HERC2: variants seen among roughly 807,000 people sequenced by gnomAD.
HERC2 encodes HECT and RLD domain containing E3 ubiquitin protein ligase 2.
In HERC2, 102 loss-of-function variants were observed where a neutral mutation model predicts 537.7. The observed-to-expected ratio is 0.19, with a 90% confidence interval of 0.16 to 0.22. HERC2 has a LOEUF of 0.22. Among genes scored for constraint, HERC2 ranks in the 10% least tolerant of loss-of-function variants. The pLI is 1.00. For synonymous variants in HERC2, 2,224 were observed against 2,466.2 expected (o/e 0.90, Z 2.91); for missense variants, 4,236 against 6,198.2 (o/e 0.68, Z 10.63).
intron 81 of HERC2, among the ~76,000 whole-genome samples, chr15:28,130,937 G>T (rs898271764): frequency 6.6e-6 from 1 of 152,040 alleles, no homozygotes; most frequent in African/African-American, 2.4e-5. Context: ...AGCAATCCCT[G>T]TGTCTCTCCT....
rs1473958404 is a variant in HERC2 at position 28,196,110 on chromosome 15, T to TG, written c.8260+104dup. The TG allele has an allele frequency of 8.4e-6, 9 of 1,076,098 alleles. No individual in the cohort carries two copies. In the African/African-American group the frequency reaches 1.4e-4, roughly 17 times the overall value. The allele number at this position is 1,076,098 out of a possible 1,614,324, so 66.7% of individuals were successfully genotyped here. A position where few individuals can be genotyped will look rare whatever the true frequency, so the allele number is the denominator to read the frequency against. On this transcript the variant is annotated intron_variant, in intron 52 of 92. Transcript: ENST00000261609. ...CACTGTACTCACTCTACAGAATTACTGTATACATAGGAACCTTAAAATAAC... is the reference window on the plus strand; with the variant it reads ...CACTGTACTCACTCTACAGAATTACTGGTATACATAGGAACCTTAAAATAAC...
Position 28,162,869 on chromosome 15 carries a change from C to T in HERC2, c.10746+225G>A, listed in dbSNP as rs532179984. ...TGGCGCCACTGCACTCTAGCCTGGG[C>T]GACAGAGCGAGACTCCGTCTCAAAA... On this transcript the variant is annotated intron_variant, in intron 69 of 92. Transcript: ENST00000261609. Among the ~76,000 whole-genome samples the T allele has an allele frequency of 8.5e-5, 13 of 152,222 alleles. No homozygotes were observed. The East Asian group carries it at 2.5e-3, about 29-fold the overall frequency.
chr15:28,152,442 C>T (rs1566948264), intron 70 of HERC2, among the ~76,000 whole-genome samples: 1 of 152,204 alleles, frequency 6.6e-6, no homozygotes, highest in South Asian at 2.1e-4. Context: ...GTCATGATGA[C>T]TAGGGCATCT....
intron 4 of HERC2, among the ~76,000 whole-genome samples, chr15:28,281,807 C>T (rs1267291970): frequency 6.6e-6 from 1 of 152,238 alleles, no homozygotes; most frequent in African/African-American, 2.4e-5. Flanking sequence ...CCGAGCCACC[C>T]TTCAGGCAAG....
chr15:28,279,260 G>A (rs1257887521), intron 5 of HERC2, among the ~76,000 whole-genome samples: 3 of 152,004 alleles, frequency 2.0e-5, no homozygotes, highest in Non-Finnish European at 4.4e-5. Context: ...AAAGTGCTGG[G>A]ATTACAGGCG....
chr15:28,156,120 A>G (rs529756781), intron 69 of HERC2, among the ~76,000 whole-genome samples: 14 of 152,230 alleles, frequency 9.2e-5, no homozygotes, highest in African/African-American at 2.9e-4. Flanking sequence ...CCATTGGTCT[A>G]TATCTCTGTT....
At chr15:28,287,493 T>C (rs1667393) in intron 4 of HERC2, among the ~76,000 whole-genome samples, 148,071 of 152,144 alleles carry the variant, frequency 0.97, 72,140 homozygotes, top group Non-Finnish European at 0.99. Context: ...TCTAGTTACC[T>C]ACCCATAACT....
chr15:28,264,155 T>C (rs1016687375), intron 14 of HERC2, among the ~76,000 whole-genome samples: 25 of 151,890 alleles, frequency 1.6e-4, no homozygotes, highest in African/African-American at 6.0e-4. Flanking sequence ...TATTTTATAA[T>C]AACTAAAGAT....
chr15:28,115,315 GCGTCA>G, intron 89 of HERC2, 109 bp downstream of exon 89: 1 of 539,986 alleles, frequency 1.9e-6, no homozygotes, highest in Non-Finnish European at 3.2e-6. Context: ...AACAGCCTCT[GCGTCA>G]CCTGGGCACT....
At chr15:28,184,636 C>T (rs375677686) in intron 56 of HERC2, among the ~76,000 whole-genome samples, 3 of 151,804 alleles carry the variant, frequency 2.0e-5, no homozygotes, top group Admixed American at 1.3e-4. Flanking sequence ...CTGAGGCAGG[C>T]GGATTACGAG....
chr15:28,278,306 C>A (rs1480329636), intron 5 of HERC2, among the ~76,000 whole-genome samples: 3 of 151,982 alleles, frequency 2.0e-5, no homozygotes, highest in Non-Finnish European at 4.4e-5. Context: ...TCACTTGAGC[C>A]CAGGAGGTCA....
rs1322484589 is a variant in HERC2 at position 28,178,990 on chromosome 15, C to T, written c.9060G>A (p.Thr3020=). Reference sequence around the variant, plus strand: ...AAATGCCCAGCCCCAGCCGGCCATTCGTGGCTTCTCCACAGGCATACACCT... The same window carrying T: ...AAATGCCCAGCCCCAGCCGGCCATTTGTGGCTTCTCCACAGGCATACACCT... The part of the protein sequence containing the change: ...EGKVYACGEA[T]NGRLGLGISS... Residue 3020 remains threonine, a synonymous_variant, in exon 59 of 93, where the codon ACG becomes ACA. Coordinates refer to ENST00000261609, the MANE Select transcript of HERC2 (RefSeq NM_004667.6). 1.2e-6 allele frequency: 2 copies of T among 1,614,236 alleles called. No individual in the cohort carries two copies. The highest frequency in any genetic ancestry group is 1.1e-5 in the South Asian group (1 of 91,086).
chr15:28,115,574 C>G lies in HERC2; in HGVS notation c.13610-33G>C, dbSNP rs1055894792. 6 of 1,536,054 alleles carry G rather than the reference C, an allele frequency of 3.9e-6. No homozygotes were observed. The African/African-American group carries it at 8.2e-5, about 21-fold the overall frequency. On this transcript the variant is annotated intron_variant, in intron 88 of 92. Transcript: ENST00000261609. ...TTCAGGACACAAGTGACAGAGGACA[C>G]TTCAAAAGGATGACAAAACTTCCCG...
chr15:28,274,520 G>A (rs933155530), intron 6 of HERC2, 73 bp from the exon 7 acceptor site: 47 of 1,463,646 alleles, frequency 3.2e-5, no homozygotes, highest in African/African-American at 7.0e-5. Context: ...ACCCCTCAGC[G>A]AGAGATGACG....
chr15:28,142,349 A>C lies in HERC2; in HGVS notation c.11589T>G (p.Pro3863=). 6.2e-7 allele frequency: 1 copy of C among 1,614,098 alleles called. No homozygotes were observed. Among genetic ancestry groups the C allele is most frequent in the South Asian group, 1.1e-5 (1 of 91,058 alleles). ...LACDLELDTL[P]CCAETHKWAW... is the part of the protein sequence containing the mutation. ...CCCACTTGTGCGTCTCGGCACAGCA[A>C]GGCAGAGTGTCCAGCTCCAGGTCAC... is the stretch of plus-strand genomic sequence containing the variant. Residue 3863 remains proline (P), a synonymous_variant, in exon 76 of 93, where the codon CCT becomes CCG. Coordinates refer to ENST00000261609, the MANE Select transcript of HERC2 (RefSeq NM_004667.6).
rs1199775096 is a variant in HERC2, at chr15:28,218,650, T to C, written c.5867A>G (p.Asn1956Ser). Residue 1956 changes from asparagine (N) to serine (S), a missense_variant, in exon 38 of 93, where the codon AAC becomes AGC. By Grantham distance (46) the Asn-to-Ser change is conservative. Around this residue, in one of 27 missense-constraint regions of HERC2, gnomAD observed 365 missense variants for 468.8 expected, o/e 0.78. Transcript: ENST00000261609. ...AAACATCATTGCAGTGGGGTGAATG[T>C]TCCTTTCAGTTTGTTCGGCTTCTAA... ...DDSEAEQTER[N>S]IHPTAMMFTS... The C allele has an allele frequency of 6.3e-7, 1 of 1,586,524 alleles. No individual in the cohort carries two copies. The highest frequency in any genetic ancestry group is 8.6e-7 in the Non-Finnish European group (1 of 1,169,124).
At chr15:28,189,010 C>G (rs1479028860) in intron 55 of HERC2, among the ~76,000 whole-genome samples, 1 of 152,064 alleles carries the variant, frequency 6.6e-6, no homozygotes, top group Non-Finnish European at 1.5e-5. Context: ...ATCACTTGAA[C>G]CCAGGATGTG....
At chr15:28,250,506 T>C (rs548832053) in intron 20 of HERC2, among the ~76,000 whole-genome samples, 1 of 152,380 alleles carries the variant, frequency 6.6e-6, no homozygotes, top group South Asian at 2.1e-4. Flanking sequence ...CGTGTAATTC[T>C]GATGGGGTTC....
At chr15:28,204,080 A>T (rs995996942) in intron 45 of HERC2, 1 of 152,134 alleles carries the variant, frequency 6.6e-6, no homozygotes, top group Non-Finnish European at 1.5e-5. Context: ...CAGGTACTGA[A>T]CTGCCTGTGA....
Sources: allele counts gnomAD v4.1 joint callset (sites outside exome capture counted in the v4.1 genomes callset), GRCh38; gene constraint gnomAD v4.1.1; regional missense constraint gnomAD v4.1.1; transcripts MANE v1.5; gene names NCBI Gene and HGNC (gene_info 2026-07-23, HGNC 2026-07-21).